TNKS: variants seen among roughly 807,000 people sequenced by gnomAD.
TNKS encodes the protein tankyrase, also known as poly [ADP-ribose] polymerase tankyrase-1.
TNKS carries 72 observed loss-of-function variants against 135.8 expected under a neutral mutation model. The observed-to-expected ratio is 0.53, with a 90% CI of 0.44 to 0.64. The LOEUF (loss-of-function observed/expected upper bound fraction) is 0.64. Ranked by LOEUF, TNKS falls within the 30% of genes least tolerant of loss-of-function variation. TNKS has a pLI of 0.00. For missense variants in TNKS, 1,769 were observed against 1,674.0 expected (o/e 1.06, Z -0.99); for synonymous variants, 849 against 649.3 (o/e 1.31, Z -4.68).
rs1808299244 is a variant in TNKS at position 9,777,874 on chromosome 8, A to T, written c.*1138A>T. ...GGATTCAGACTCGAATAGTGGATAG[A>T]TACACACAAATGCAAGGACTTTTTT... is the stretch of plus-strand genomic sequence containing the variant. On this transcript the variant is annotated 3_prime_UTR_variant, in exon 27 of 27. Transcript: ENST00000310430. 6.6e-6 allele frequency: 1 copy of T among 152,566 alleles called. No individual in the cohort carries two copies. The highest frequency in any genetic ancestry group is 1.5e-5 in the Non-Finnish European group (1 of 68,044). The allele number at this position is 152,566 out of a possible 1,614,324, so 9.5% of individuals were successfully genotyped here. A position where few individuals can be genotyped will look rare whatever the true frequency, so the allele number is the denominator to read the frequency against.
rs146426787 is a variant in TNKS, at chr8:9,620,663, C to G, written c.994+4986C>G. Among the ~76,000 whole-genome samples, 377 of 152,272 alleles carry G rather than the reference C, an allele frequency of 2.5e-3. 2 individuals are homozygous for G. Among genetic ancestry groups the G allele is most frequent in the African/African-American group, 8.6e-3 (357 of 41,554 alleles). ...AGCTGGCTGTTTGCTGCCCCTCAAGCAGATGAAACCTTATTCTGTGTCTGG... is the reference window on the plus strand; with the variant it reads ...AGCTGGCTGTTTGCTGCCCCTCAAGGAGATGAAACCTTATTCTGTGTCTGG... On this transcript the variant is annotated intron_variant, in intron 3 of 26. Coordinates refer to ENST00000310430, the MANE Select transcript of TNKS (RefSeq NM_003747.3).
intron 3 of TNKS, among the ~76,000 whole-genome samples, chr8:9,657,321 A>G (rs9694872): frequency 1.9e-3 from 73 of 39,032 alleles, no homozygotes; most frequent in Admixed American, 3.1e-3. Flanking sequence ...CCTCCCTCCC[A>G]GACGGGGCGG....
In TNKS at chr8:9,735,371, A is replaced by C. The variant is rs200454263; in HGVS notation, c.2534-6A>C. 5 of 1,612,102 alleles carry C rather than the reference A, an allele frequency of 3.1e-6. No individual in the cohort carries two copies. In the African/African-American group the frequency reaches 6.7e-5, roughly 22 times the overall value. On this transcript the variant is annotated splice_polypyrimidine_tract_variant and splice_region_variant and intron_variant, in intron 16 of 26. Transcript: ENST00000310430. ...ACGTTTCCTGTATTTTTTTTACTCT[A>C]AATAGCAGGCTATAATAACCTGGAA...
Position 9,751,624 on chromosome 8 carries a change from G to C in TNKS, c.2848G>C (p.Ala950Pro), listed in dbSNP as rs1282470429. 1 of 1,614,014 alleles carries C rather than the reference G, an allele frequency of 6.2e-7. No individual in the cohort carries two copies. The highest frequency in any genetic ancestry group is 1.1e-5 in the South Asian group (1 of 91,064). ...LDLATADDIR[A>P]LLIDAMPPEA... ...ATTTTTTTAGGCTGACGATATCAGA[G>C]CTTTGCTGATAGATGCCATGCCCCC... is the stretch of plus-strand genomic sequence containing the variant. The change falls in exon 19 of 27, where the codon GCT (alanine) becomes CCT (proline). Residue 950 changes from alanine (A) to proline (P), a missense_variant. Physicochemically the swap from Ala to Pro is conservative, Grantham distance 27. Coordinates refer to ENST00000310430, the MANE Select transcript of TNKS (RefSeq NM_003747.3).
In TNKS at chr8:9,781,387, G is replaced by C. The variant is rs1438954401; in HGVS notation, c.*4651G>C. The stretch of plus-strand genomic sequence containing the variant: ...GAAATGCAGTTGAACCCTGGTAGTG[G>C]GGTGTCCCTCACACACCCGCGCACC... On this transcript the variant is annotated 3_prime_UTR_variant, in exon 27 of 27. Transcript: ENST00000310430. 1 of 152,112 alleles carries C rather than the reference G, an allele frequency of 6.6e-6. No homozygotes were observed. Among genetic ancestry groups the C allele is most frequent in the Non-Finnish European group, 1.5e-5 (1 of 68,036 alleles). The allele number at this position is 152,112 out of a possible 1,614,324, so 9.4% of individuals were successfully genotyped here.
At chr8:9,577,822 A>T (rs1798011537) in intron 1 of TNKS, among the ~76,000 whole-genome samples, 1 of 152,192 alleles carries the variant, frequency 6.6e-6, no homozygotes, top group Admixed American at 6.5e-5. Flanking sequence ...GTCTCAACTC[A>T]TTCCAGCATT....
At chr8:9,647,639 C>A (rs1368211276) in intron 3 of TNKS, among the ~76,000 whole-genome samples, 3 of 152,130 alleles carry the variant, frequency 2.0e-5, no homozygotes, top group Admixed American at 6.6e-5. Context: ...ACACTTCAGA[C>A]ATTATATTAA....
intron 1 of TNKS, among the ~76,000 whole-genome samples, chr8:9,561,911 G>C (rs575885811): frequency 3.3e-5 from 5 of 152,052 alleles, no homozygotes; most frequent in African/African-American, 4.8e-5. Context: ...CTGCCTCCTC[G>C]GTTCAAGCGA....
intron 2 of TNKS, among the ~76,000 whole-genome samples, chr8:9,612,193 G>T (rs1456399875): frequency 6.6e-6 from 1 of 152,144 alleles, no homozygotes; most frequent in East Asian, 1.9e-4. Context: ...CTATGGTAGA[G>T]AACTGGGTTT....
Position 9,781,809 on chromosome 8 carries a change from G to T in TNKS, c.*5073G>T, listed in dbSNP as rs1310168044. The T allele has an allele frequency of 1.3e-5, 2 of 152,572 alleles. No individual in the cohort carries two copies. The highest frequency in any genetic ancestry group is 1.3e-4 in the Admixed American group (2 of 15,280). The allele number at this position is 152,572 out of a possible 1,614,324, so 9.5% of individuals were successfully genotyped here. On this transcript the variant is annotated 3_prime_UTR_variant, in exon 27 of 27. Transcript: ENST00000310430. Reference sequence around the variant, plus strand: ...AGTGACTCTTTGGTTCATTATTCGTGTTGTTTTTATTTTTAGTCTCTGTGT... The same window carrying T: ...AGTGACTCTTTGGTTCATTATTCGTTTTGTTTTTATTTTTAGTCTCTGTGT...
chr8:9,563,414 T>C (rs377046780), intron 1 of TNKS, among the ~76,000 whole-genome samples: 9 of 152,278 alleles, frequency 5.9e-5, no homozygotes, highest in African/African-American at 2.2e-4. Context: ...ATGGTCCCTC[T>C]CATAGCTACT....
chr8:9,574,061 A>G (rs1056404179), intron 1 of TNKS, among the ~76,000 whole-genome samples: 6 of 152,202 alleles, frequency 3.9e-5, no homozygotes, highest in African/African-American at 1.4e-4. Flanking sequence ...TATTAGAATA[A>G]GGAAAATTGT....
chr8:9,659,813 AG>A (rs971267032), intron 3 of TNKS, among the ~76,000 whole-genome samples: 2 of 152,182 alleles, frequency 1.3e-5, no homozygotes, highest in African/African-American at 4.8e-5. Context: ...TTTTTTGGAA[AG>A]ATCAACAAAA....
intron 1 of TNKS, chr8:9,558,714 A>G (rs753701527): frequency 1.2e-4 from 19 of 152,302 alleles, no homozygotes; most frequent in South Asian, 2.1e-4. Flanking sequence ...ATAAACAATC[A>G]AACAGTACCG....
At chr8:9,749,222 G>C (rs1285380216) in intron 18 of TNKS, among the ~76,000 whole-genome samples, 1 of 152,194 alleles carries the variant, frequency 6.6e-6, no homozygotes. Context: ...ATCAGCCACA[G>C]TCTTCCCTGT....
At chr8:9,717,289 T>C (rs1046721085) in intron 11 of TNKS, among the ~76,000 whole-genome samples, 4 of 151,486 alleles carry the variant, frequency 2.6e-5, no homozygotes, top group Non-Finnish European at 5.9e-5. Flanking sequence ...AAAAATTGTG[T>C]TCATTTGTCT....
intron 2 of TNKS, among the ~76,000 whole-genome samples, chr8:9,594,263 T>A (rs369202661): frequency 3.3e-5 from 5 of 152,224 alleles, no homozygotes; most frequent in Non-Finnish European, 7.3e-5. Flanking sequence ...TTATTAGAAG[T>A]GATAGTTGCC....
At chr8:9,627,118 GA>G (rs1800086701) in intron 3 of TNKS, among the ~76,000 whole-genome samples, 2 of 152,170 alleles carry the variant, frequency 1.3e-5, no homozygotes, top group Non-Finnish European at 2.9e-5. Context: ...AAGCCTCCAT[GA>G]AGACTCACAG....
rs540839501 is a variant in TNKS, at chr8:9,589,440, A to G, written c.898+9057A>G. Among the ~76,000 whole-genome samples, 19 of 152,354 alleles carry G rather than the reference A, an allele frequency of 1.2e-4. 1 individual carries two copies. In the South Asian group the frequency reaches 3.7e-3, roughly 30 times the overall value. The stretch of plus-strand genomic sequence containing the variant: ...AGGAAAACCAAGAATTTTGAAGTAA[A>G]CAACCAAGCCAGCTCCAAGAACTTT... On this transcript the variant is annotated intron_variant, in intron 2 of 26. Transcript: ENST00000310430.
Sources: gnomAD v4.1 joint callset for allele counts (sites outside exome capture counted in the v4.1 genomes callset) on GRCh38, gnomAD v4.1.1 for gene constraint, MANE v1.5 for transcripts, NCBI Gene and HGNC (gene_info 2026-07-23, HGNC 2026-07-21) for gene names.